The following NEDD4 variants were observed in gnomAD, a reference collection of about 807,000 sequenced individuals.
The protein encoded by NEDD4 is E3 ubiquitin-protein ligase NEDD4.
A neutral mutation model predicts 144.9 loss-of-function variants in NEDD4; 99 were observed. The ratio of observed to expected loss-of-function variants is 0.68; its 90% confidence interval spans 0.58 to 0.81. The LOEUF (loss-of-function observed/expected upper bound fraction) is 0.81. Ranked by LOEUF, NEDD4 falls within the 30% of genes least tolerant of loss-of-function variation. The pLI, the probability that NEDD4 is intolerant of heterozygous loss-of-function variation, is 0.00. For missense variants in NEDD4, 985 were observed against 1,065.9 expected (o/e 0.92, Z 1.06); for synonymous variants, 318 against 350.6 (o/e 0.91, Z 1.04).
Position 55,841,840 on chromosome 15 carries a change from G to T in NEDD4, c.1838+94C>A, listed in dbSNP as rs557549956. ...CCCGCCTCGGCCTCCCAAAGTGCTG[G>T]GATTACAGGCATGAGCCACTGCACC... On this transcript the variant is annotated intron_variant, in intron 19 of 28. Coordinates refer to ENST00000435532, the MANE Select transcript of NEDD4 (RefSeq NM_006154.4). 94 of 1,015,634 alleles carry T rather than the reference G, an allele frequency of 9.3e-5. No homozygotes were observed. In the East Asian group the frequency reaches 2.2e-3, roughly 23 times the overall value. 62.9% of individuals were successfully genotyped at this position (1,015,634 alleles called of 1,614,324 possible). A position where few individuals can be genotyped will look rare whatever the true frequency, so the allele number is the denominator to read the frequency against.
At chr15:55,985,213 T>A (rs371446987) in intron 1 of NEDD4, among the ~76,000 whole-genome samples, 1 of 152,236 alleles carries the variant, frequency 6.6e-6, no homozygotes, top group South Asian at 2.1e-4. Flanking sequence ...TAATTACCTA[T>A]AAAAGAAATT....
intron 5 of NEDD4, among the ~76,000 whole-genome samples, chr15:55,898,631 CT>C (rs34372143): frequency 0.17 from 17,973 of 108,342 alleles, 756 homozygotes; most frequent in East Asian, 0.3. Flanking sequence ...ACAAAAAGAA[CT>C]TTTTTTTTTT....
chr15:55,927,654 G>T (rs2036700793), intron 4 of NEDD4, among the ~76,000 whole-genome samples: 1 of 152,174 alleles, frequency 6.6e-6, no homozygotes, highest in African/African-American at 2.4e-5. Flanking sequence ...GTTAAGACTT[G>T]ATTGGTAGGG....
At chr15:55,990,346 C>A (rs2037969490) in intron 1 of NEDD4, among the ~76,000 whole-genome samples, 1 of 151,944 alleles carries the variant, frequency 6.6e-6, no homozygotes, top group Admixed American at 6.6e-5. Flanking sequence ...AGAAACATGG[C>A]AGAACTGACC....
chr15:55,934,962 A>G (rs1220877445), intron 4 of NEDD4, among the ~76,000 whole-genome samples: 1 of 125,626 alleles, frequency 8.0e-6, no homozygotes, highest in Non-Finnish European at 1.6e-5. Flanking sequence ...TCTGCCTCCC[A>G]GACTCAAGTG....
Position 55,948,514 on chromosome 15 carries a change from G to C in NEDD4, c.237+2862C>G, listed in dbSNP as rs563736101. Among the ~76,000 whole-genome samples, 39 of 152,238 alleles carry C rather than the reference G, an allele frequency of 2.6e-4. 1 individual carries two copies. The highest frequency in any genetic ancestry group is 4.4e-4 in the Non-Finnish European group (30 of 68,024). ...TAGCCAAGACAATCCTAAGCAAAAA[G>C]AACAAAGCTGGAGGCATCATGCTAC... On this transcript the variant is annotated intron_variant, in intron 4 of 28. Coordinates refer to ENST00000435532, the MANE Select transcript of NEDD4 (RefSeq NM_006154.4).
intron 5 of NEDD4, among the ~76,000 whole-genome samples, chr15:55,904,628 T>C (rs1482281242): frequency 6.6e-6 from 1 of 152,122 alleles, no homozygotes; most frequent in Non-Finnish European, 1.5e-5. Context: ...TTTAAACAGG[T>C]TGATTCTCTT....
At chr15:55,919,775 T>A (rs1307588567) in intron 5 of NEDD4, among the ~76,000 whole-genome samples, 1 of 152,182 alleles carries the variant, frequency 6.6e-6, no homozygotes, top group African/African-American at 2.4e-5. Context: ...TTACTGATCA[T>A]CTACATGGAA....
chr15:55,916,016 A>G (rs757974612), intron 5 of NEDD4: 12 of 1,613,374 alleles, frequency 7.4e-6, no homozygotes, highest in Non-Finnish European at 1.0e-5. Flanking sequence ...TAGTTGAAGG[A>G]CTCCTAGGAA....
At chr15:55,899,459 A>C (rs1314587306) in intron 5 of NEDD4, among the ~76,000 whole-genome samples, 1 of 152,238 alleles carries the variant, frequency 6.6e-6, no homozygotes. Flanking sequence ...ATAACATATC[A>C]ATGAAAACAG....
At position 55,833,107 on chromosome 15, in the gene NEDD4, G is replaced by C; in HGVS notation, c.2431-3C>G. 2 of 1,593,614 alleles carry C rather than the reference G, an allele frequency of 1.3e-6. No homozygotes were observed. Among genetic ancestry groups the C allele is most frequent in the Non-Finnish European group, 1.7e-6 (2 of 1,163,514 alleles). ...TCTGAATCCATCATTAAAACAGCCT[G>C]AATAAGATAAAAACATCATTTAGGG... On this transcript the variant is annotated splice_polypyrimidine_tract_variant and splice_region_variant and intron_variant, in intron 26 of 28. Transcript: ENST00000435532.
intron 27 of NEDD4, 33 bp from the exon 28 acceptor site, chr15:55,830,619 T>C (rs1211837573): frequency 6.3e-7 from 1 of 1,587,728 alleles, no homozygotes. Context: ...TTTCATTTAC[T>C]CTCTACAAGG....
chr15:55,894,590 G>A (rs2035680879), intron 5 of NEDD4, among the ~76,000 whole-genome samples: 1 of 152,090 alleles, frequency 6.6e-6, no homozygotes, highest in Non-Finnish European at 1.5e-5. Flanking sequence ...TGGAAGTCAG[G>A]AGAAACTACT....
intron 2 of NEDD4, among the ~76,000 whole-genome samples, chr15:55,951,908 A>T (rs1406690608): frequency 6.6e-6 from 1 of 152,072 alleles, no homozygotes; most frequent in Non-Finnish European, 1.5e-5. Flanking sequence ...CTTTTGAGAT[A>T]AGATGGTTAA....
intron 4 of NEDD4, among the ~76,000 whole-genome samples, chr15:55,947,514 C>T (rs1288322973): frequency 6.6e-6 from 1 of 152,104 alleles, no homozygotes; most frequent in African/African-American, 2.4e-5. Context: ...GAAATTGAGA[C>T]AATAATTAAT....
intron 5 of NEDD4, among the ~76,000 whole-genome samples, chr15:55,924,040 A>G (rs1348531697): frequency 6.6e-6 from 1 of 152,228 alleles, no homozygotes; most frequent in Admixed American, 6.5e-5. Context: ...GGAAAAGGAT[A>G]GGACTTTAAG....
chr15:55,926,713 C>T (rs1329882231), intron 4 of NEDD4, among the ~76,000 whole-genome samples: 1 of 152,108 alleles, frequency 6.6e-6, no homozygotes, highest in African/African-American at 2.4e-5. Flanking sequence ...TTGCAGTGAG[C>T]CGAGATCGTG....
chr15:55,890,009 T>C (rs2035516314), intron 5 of NEDD4, among the ~76,000 whole-genome samples: 1 of 152,116 alleles, frequency 6.6e-6, no homozygotes, highest in Admixed American at 6.6e-5. Flanking sequence ...AGACTAATTG[T>C]ACATTTAAAA....
At chr15:55,981,079 C>G (rs1230564477) in intron 1 of NEDD4, among the ~76,000 whole-genome samples, 1 of 150,168 alleles carries the variant, frequency 6.7e-6, no homozygotes, top group Non-Finnish European at 1.5e-5. Context: ...ACCTCTGTCG[C>G]CCAGGCTGGA....
Sources: gnomAD v4.1 joint callset for allele counts (sites outside exome capture counted in the v4.1 genomes callset) on GRCh38, gnomAD v4.1.1 for gene constraint, MANE v1.5 for transcripts, NCBI Gene and HGNC (gene_info 2026-07-23, HGNC 2026-07-21) for gene names.